Variants in DTNA observed in about 807,000 individuals in gnomAD.
The protein encoded by DTNA is dystrophin-related protein 3.
A neutral mutation model predicts 100.7 loss-of-function variants in DTNA; 43 were observed. The observed-to-expected ratio is 0.43, with a 90% CI of 0.33 to 0.55. DTNA has a LOEUF of 0.55. Among genes scored for constraint, DTNA ranks in the 20% least tolerant of loss-of-function variants. The pLI, the probability that DTNA is intolerant of heterozygous loss-of-function variation, is 0.04. For missense variants in DTNA, 798 were observed against 953.9 expected, an observed-to-expected ratio of 0.84 and a Z score of 2.15; for synonymous variants, 349 against 347.9, an observed-to-expected ratio of 1.00 and a Z score of -0.04.
chr18:34,694,978 T>A (rs1301720801), intron 1 of DTNA, among the ~76,000 whole-genome samples: 2 of 152,168 alleles, frequency 1.3e-5, no homozygotes, highest in East Asian at 3.8e-4. Context: ...GGTGCTACCA[T>A]GAGTAGGACG....
intron 15 of DTNA, among the ~76,000 whole-genome samples, chr18:34,852,203 G>A (rs548505843): frequency 2.0e-5 from 3 of 152,042 alleles, no homozygotes; most frequent in African/African-American, 7.2e-5. Context: ...CCCTTTTTCT[G>A]AGATACTTAA....
intron 1 of DTNA, among the ~76,000 whole-genome samples, chr18:34,717,239 A>G (rs2146779980): frequency 6.6e-6 from 1 of 152,352 alleles, no homozygotes; most frequent in Non-Finnish European, 1.5e-5. Flanking sequence ...CAGATTTCAA[A>G]TCTTATTTAA....
At chr18:34,725,911 T>A (rs1600883062) in intron 1 of DTNA, among the ~76,000 whole-genome samples, 1 of 152,152 alleles carries the variant, frequency 6.6e-6, no homozygotes, top group Non-Finnish European at 1.5e-5. Flanking sequence ...TGGAATACTA[T>A]GCAGCCATAA....
At chr18:34,589,051 T>C (rs2146858761) in intron 1 of DTNA, among the ~76,000 whole-genome samples, 1 of 151,604 alleles carries the variant, frequency 6.6e-6, no homozygotes, top group East Asian at 1.9e-4. Context: ...GTAATTAGTA[T>C]ATTTGTACAT....
intron 1 of DTNA, among the ~76,000 whole-genome samples, chr18:34,733,434 G>A (rs2088797223): frequency 6.6e-6 from 1 of 152,198 alleles, no homozygotes; most frequent in Non-Finnish European, 1.5e-5. Flanking sequence ...TGCTACACAA[G>A]TCAGATTATT....
intron 17 of DTNA, chr18:34,866,498 A>G: frequency 8.6e-7 from 1 of 1,165,648 alleles, no homozygotes; most frequent in Non-Finnish European, 1.1e-6. Context: ...CACTAGAGAT[A>G]CCCTGAGGTT....
At position 34,823,167 on chromosome 18, in the gene DTNA, T is replaced by C. The variant is rs905386029; in HGVS notation, c.1001+2252T>C. Among the ~76,000 whole-genome samples, 379 of 152,304 alleles carry C rather than the reference T, an allele frequency of 2.5e-3. 1 individual carries two copies. The highest frequency in any genetic ancestry group is 8.9e-3 in the African/African-American group (371 of 41,576). On this transcript the variant is annotated intron_variant, in intron 9 of 22. Transcript: ENST00000444659. Reference sequence around the variant, plus strand: ...TTCTAATTTTAAAATGCATTGCTCATTTAACTATTCTAAATTATCATAGGC... The same window carrying C: ...TTCTAATTTTAAAATGCATTGCTCACTTAACTATTCTAAATTATCATAGGC...
At chr18:34,694,153 A>G (rs1165223608) in intron 1 of DTNA, among the ~76,000 whole-genome samples, 1 of 152,174 alleles carries the variant, frequency 6.6e-6, no homozygotes, top group Non-Finnish European at 1.5e-5. Context: ...AAATCTGTTC[A>G]CATTCCCATG....
chr18:34,681,284 C>T (rs2078064690), intron 1 of DTNA, among the ~76,000 whole-genome samples: 2 of 152,030 alleles, frequency 1.3e-5, no homozygotes, highest in South Asian at 2.1e-4. Context: ...CTTAAGAAAA[C>T]AAGTGATTCC....
At chr18:34,520,428 G>A (rs1483994342) in intron 1 of DTNA, among the ~76,000 whole-genome samples, 3 of 152,100 alleles carry the variant, frequency 2.0e-5, no homozygotes, top group African/African-American at 7.2e-5. Context: ...GAGGTGGGTG[G>A]ATCACCTGAG....
At chr18:34,789,195 C>G (rs552009703) in intron 3 of DTNA, among the ~76,000 whole-genome samples, 1 of 152,238 alleles carries the variant, frequency 6.6e-6, no homozygotes, top group Non-Finnish European at 1.5e-5. Flanking sequence ...ATGTGCGTGA[C>G]TGCAGTTTTT....
chr18:34,502,333 CTA>C (rs1601172388), intron 1 of DTNA, among the ~76,000 whole-genome samples: 1 of 152,038 alleles, frequency 6.6e-6, no homozygotes, highest in African/African-American at 2.4e-5. Context: ...TAATTTTTCT[CTA>C]TTATTTTTCT....
Position 34,563,910 on chromosome 18 carries a change from C to T in DTNA, c.-2+70396C>T, listed in dbSNP as rs958802501. Among the ~76,000 whole-genome samples, 23 of 152,186 alleles carry T rather than the reference C, an allele frequency of 1.5e-4. 1 individual carries two copies. Among genetic ancestry groups the T allele is most frequent in the Admixed American group, 1.2e-3 (18 of 15,280 alleles). Reference sequence around the variant, plus strand: ...ATAATTCCAGTTCATTCTATCCTTACACTTCCTCATCAGTTTAAGGATATT... The same window carrying T: ...ATAATTCCAGTTCATTCTATCCTTATACTTCCTCATCAGTTTAAGGATATT... On this transcript the variant is annotated intron_variant, in intron 1 of 19. Coordinates refer to the DTNA transcript ENST00000283365.
chr18:34,671,849 T>C (rs958753734), intron 1 of DTNA, among the ~76,000 whole-genome samples: 1 of 152,304 alleles, frequency 6.6e-6, no homozygotes, highest in African/African-American at 2.4e-5. Flanking sequence ...CTTAGAAGTG[T>C]GCAGTGGGCT....
At chr18:34,825,073 T>A (rs375362882) in intron 9 of DTNA, among the ~76,000 whole-genome samples, 4 of 152,230 alleles carry the variant, frequency 2.6e-5, no homozygotes, top group African/African-American at 9.6e-5. Flanking sequence ...ATTTTTTTTT[T>A]AACTATAGCC....
intron 1 of DTNA, among the ~76,000 whole-genome samples, chr18:34,623,690 G>A (rs2056890528): frequency 6.6e-6 from 1 of 152,170 alleles, no homozygotes; most frequent in African/African-American, 2.4e-5. Flanking sequence ...GTGGCAGGCG[G>A]TGTGCTATGT....
intron 1 of DTNA, among the ~76,000 whole-genome samples, chr18:34,538,659 C>T (rs756157962): frequency 9.9e-5 from 15 of 152,010 alleles, no homozygotes; most frequent in East Asian, 1.9e-4. Flanking sequence ...TTTGGTAATC[C>T]GTTAAAAATA....
chr18:34,740,357 G>T (rs1295534589), intron 1 of DTNA, among the ~76,000 whole-genome samples: 2 of 152,132 alleles, frequency 1.3e-5, no homozygotes, highest in African/African-American at 2.4e-5. Context: ...TTGTTAAAAA[G>T]GAACTGCTTG....
intron 14 of DTNA, among the ~76,000 whole-genome samples, chr18:34,849,617 C>G (rs988629292): frequency 6.6e-6 from 1 of 152,138 alleles, no homozygotes; most frequent in African/African-American, 2.4e-5. Flanking sequence ...GCCTGCAGAC[C>G]AAATTTGTCC....
Sources: gnomAD v4.1 joint callset for allele counts (sites outside exome capture counted in the v4.1 genomes callset) on GRCh38, gnomAD v4.1.1 for gene constraint, MANE v1.5 for transcripts, NCBI Gene and HGNC (gene_info 2026-07-23, HGNC 2026-07-21) for gene names.